Variants in LAMA5 observed in about 807,000 individuals in gnomAD.
The protein encoded by LAMA5 is laminin subunit alpha 5, also known as laminin subunit alpha-5.
A neutral mutation model predicts 433.4 loss-of-function variants in LAMA5; 260 were observed. The ratio of observed to expected loss-of-function variants is 0.60; its 90% CI spans 0.54 to 0.66. The LOEUF (loss-of-function observed/expected upper bound fraction) is 0.66. Among genes scored for constraint, LAMA5 ranks in the 30% least tolerant of loss-of-function variants. The pLI, the probability that LAMA5 is intolerant of heterozygous loss-of-function variation, is 0.00. For synonymous variants in LAMA5, 2,620 were observed against 2,226.6 expected (o/e 1.18, Z -4.97); for missense variants, 5,378 against 5,258.5 (o/e 1.02, Z -0.70).
At chr20:62,360,108 C>G (rs964742956) in intron 2 of LAMA5, among the ~76,000 whole-genome samples, 1 of 151,096 alleles carries the variant, frequency 6.6e-6, no homozygotes, top group Non-Finnish European at 1.5e-5. Flanking sequence ...TTCCCCACCC[C>G]ACTCCAGGGA....
intron 4 of LAMA5, 30 bp downstream of exon 4, chr20:62,352,212 C>G (rs761564123): frequency 7.0e-6 from 11 of 1,572,018 alleles, no homozygotes; most frequent in Non-Finnish European, 9.5e-6. Flanking sequence ...TTCTCCAGCC[C>G]CCGTACCGCC....
At position 62,326,924 on chromosome 20, in the gene LAMA5, C is replaced by CTA; in HGVS notation, c.5154_5155insTA (p.Glu1719Ter). ...ACAAAGACATCTCCCCGCTGGGTCT[C>CTA]TGAGTGCAGTTCATAACGGAGGGTC... On this transcript the variant is annotated frameshift_variant, in exon 39 of 80. Transcript: ENST00000252999. LOFTEE classifies it high-confidence loss of function. The CTA allele has an allele frequency of 6.2e-7, 1 of 1,612,376 alleles. No homozygotes were observed. The highest frequency in any genetic ancestry group is 8.5e-7 in the Non-Finnish European group (1 of 1,179,486).
rs781438799 is a variant in LAMA5 at position 62,312,524 on chromosome 20, C to A, written c.9236G>T (p.Arg3079Leu). 1 of 1,599,236 alleles carries A rather than the reference C, an allele frequency of 6.3e-7. No homozygotes were observed. Among genetic ancestry groups the A allele is most frequent in the East Asian group, 2.2e-5 (1 of 44,862 alleles). The change falls in exon 68 of 80, where the codon CGG becomes CTG. Residue 3079 changes from arginine to leucine, a missense_variant. Physicochemically the swap from Arg to Leu is moderately radical, Grantham distance 102. Transcript: ENST00000252999. The stretch of plus-strand genomic sequence containing the variant: ...GACTGAGCCTCCGGTGGGGAAGAGC[C>A]GTCGCAGGCTGTGGGGAAGCGGGGA... ...PPDQLPPSLR[R>L]LFPTGGSVRG... is the part of the protein sequence containing the mutation.
In LAMA5 at chr20:62,317,730, G is replaced by C. The variant is rs777580744; in HGVS notation, c.7288C>G (p.Leu2430Val). The C allele has an allele frequency of 6.2e-6, 10 of 1,607,878 alleles. No individual in the cohort carries two copies. The African/African-American group carries it at 1.1e-4, about 17-fold the overall frequency. The change falls in exon 54 of 80, where the codon CTG (leucine) becomes GTG (valine). Residue 2430 changes from leucine to valine, a missense_variant. Coordinates refer to ENST00000252999, the MANE Select transcript of LAMA5 (RefSeq NM_005560.6). ...GCCAGGGTGTCCCTAGCCGCATGCA[G>C]AGTGGCCTGCAGGGTGGCATTGTCC... is the stretch of plus-strand genomic sequence containing the variant. ...SRDNATLQAT[L>V]HAARDTLASV...
At position 62,332,540 on chromosome 20, in the gene LAMA5, C is replaced by T; in HGVS notation, c.3443+17G>A. The T allele has an allele frequency of 6.2e-7, 1 of 1,600,582 alleles. No individual in the cohort carries two copies. Among genetic ancestry groups the T allele is most frequent in the Non-Finnish European group, 8.5e-7 (1 of 1,171,710 alleles). On this transcript the variant is annotated intron_variant, in intron 27 of 79. Transcript: ENST00000252999. ...CCCGGGCGTGCCCTTACTCCAGCCCCACCGGCTCCCACTCACCTGTACAGG... is the reference window on the plus strand; with the variant it reads ...CCCGGGCGTGCCCTTACTCCAGCCCTACCGGCTCCCACTCACCTGTACAGG...
At chr20:62,322,870 C>T (rs572904031) in intron 45 of LAMA5, 112 bp from the exon 46 acceptor site, 9 of 674,046 alleles carry the variant, frequency 1.3e-5, no homozygotes, top group Admixed American at 3.6e-5. Flanking sequence ...TCCTCCAGGC[C>T]GCCCGGACCA....
intron 40 of LAMA5, chr20:62,326,458 A>C (rs951317547): frequency 1.9e-6 from 1 of 533,020 alleles, no homozygotes; most frequent in Non-Finnish European, 3.4e-6. Flanking sequence ...TCAGGGACTC[A>C]CAAAGCAGGT....
intron 3 of LAMA5, 177 bp downstream of exon 3, chr20:62,352,957 G>C (rs1352511986): frequency 3.6e-6 from 2 of 555,188 alleles, no homozygotes; most frequent in Non-Finnish European, 6.3e-6. Context: ...CGACGCCAGG[G>C]ACAGGAGCCA....
intron 71 of LAMA5, 25 bp downstream of exon 71, chr20:62,311,589 G>A: frequency 6.2e-7 from 1 of 1,608,054 alleles, no homozygotes; most frequent in Non-Finnish European, 8.5e-7. Context: ...CTGGGACCTT[G>A]TCCCCCAGCG....
At chr20:62,320,961 T>G in intron 48 of LAMA5, 71 bp from the exon 49 acceptor site, 3 of 1,512,554 alleles carry the variant, frequency 2.0e-6, no homozygotes, top group Non-Finnish European at 2.7e-6. Flanking sequence ...GCTGGGGCCC[T>G]GGGGTCATTA....
chr20:62,330,856 G>T lies in LAMA5; in HGVS notation c.3739C>A (p.Pro1247Thr). The T allele has an allele frequency of 2.6e-6, 4 of 1,541,478 alleles. No individual in the cohort carries two copies. Among genetic ancestry groups the T allele is most frequent in the Non-Finnish European group, 3.5e-6 (4 of 1,143,526 alleles). Residue 1247 changes from proline to threonine, a missense_variant, in exon 30 of 80, where the codon CCG becomes ACG. Transcript: ENST00000252999. Reference protein sequence around the residue: ...CQVIPLPPGLPLTHAQDLTPA... With the variant: ...CQVIPLPPGLTLTHAQDLTPA... ...GTGAGATCCTGCGCGTGGGTCAGCG[G>T]GAGGCCGGGCGGCAGCGGGATCACC...
At position 62,333,485 on chromosome 20, in the gene LAMA5, C is replaced by T; in HGVS notation, c.3022-4G>A. 6.2e-7 allele frequency: 1 copy of T among 1,610,304 alleles called. No homozygotes were observed. Among genetic ancestry groups the T allele is most frequent in the Non-Finnish European group, 8.5e-7 (1 of 1,178,958 alleles). On this transcript the variant is annotated splice_region_variant and splice_polypyrimidine_tract_variant and intron_variant, in intron 24 of 79. Transcript: ENST00000252999. ...TAGGCAGCAGAACCACGTAGTCCTG[C>T]AGGGTGGAGGTGGTGCTGAGAGTGG...
Position 62,320,882 on chromosome 20 carries a change from G to A in LAMA5, c.6505C>T (p.His2169Tyr). Residue 2169 changes from histidine (H) to tyrosine (Y), a missense_variant, in exon 49 of 80, where the codon CAC (histidine) becomes TAC (tyrosine). Transcript: ENST00000252999. ...TCATCCAGGAGCAGGACCACACAGTGGTCACACACTGCAGGCGATGTGGGG... is the reference window on the plus strand; with the variant it reads ...TCATCCAGGAGCAGGACCACACAGTAGTCACACACTGCAGGCGATGTGGGG... The part of the protein sequence containing the change: ...GHSIHCEVCD[H>Y]CVVLLLDDLE... The A allele has an allele frequency of 6.2e-7, 1 of 1,607,592 alleles. No individual in the cohort carries two copies. Among genetic ancestry groups the A allele is most frequent in the Non-Finnish European group, 8.5e-7 (1 of 1,177,064 alleles).
Position 62,310,161 on chromosome 20 carries a change from A to G in LAMA5, c.10734+17T>C, listed in dbSNP as rs757698755. ...GAGGCAAACCCTGCCCTGGCACGCCACCTCTGCCAGGCTTACTTGCTTCTC... is the reference window on the plus strand; with the variant it reads ...GAGGCAAACCCTGCCCTGGCACGCCGCCTCTGCCAGGCTTACTTGCTTCTC... On this transcript the variant is annotated intron_variant, in intron 77 of 79. Transcript: ENST00000252999. 173 of 1,611,882 alleles carry G rather than the reference A, an allele frequency of 1.1e-4. No homozygotes were observed. The highest frequency in any genetic ancestry group is 1.1e-4 in the Non-Finnish European group (131 of 1,179,906).
rs373985079 is a variant in LAMA5, at chr20:62,330,472, C to A, written c.3979+16G>T. On this transcript the variant is annotated intron_variant, in intron 31 of 79. Coordinates refer to ENST00000252999, the MANE Select transcript of LAMA5 (RefSeq NM_005560.6). ...CGTGTGTGGTAGCCTCTCCACCCCCCACACCAGACACTCACCCTGCCACAC... is the reference window on the plus strand; with the variant it reads ...CGTGTGTGGTAGCCTCTCCACCCCCAACACCAGACACTCACCCTGCCACAC... The A allele has an allele frequency of 3.5e-4, 529 of 1,531,352 alleles. No homozygotes were observed. The highest frequency in any genetic ancestry group is 4.0e-4 in the Non-Finnish European group (460 of 1,136,404). 94.9% of individuals were successfully genotyped at this position (1,531,352 alleles called of 1,614,324 possible).
chr20:62,357,515 G>A (rs758060633), intron 2 of LAMA5, among the ~76,000 whole-genome samples: 8 of 152,192 alleles, frequency 5.3e-5, no homozygotes, highest in Non-Finnish European at 8.8e-5. Context: ...GGCGGCAGCC[G>A]GGAGCATCTC....
At chr20:62,358,591 G>A (rs1412256309) in intron 2 of LAMA5, among the ~76,000 whole-genome samples, 1 of 152,192 alleles carries the variant, frequency 6.6e-6, no homozygotes, top group Non-Finnish European at 1.5e-5. Context: ...GAAGGGTGAG[G>A]CAGCCTGGGC....
intron 6 of LAMA5, among the ~76,000 whole-genome samples, chr20:62,348,170 G>A (rs773661913): frequency 5.3e-5 from 8 of 152,164 alleles, no homozygotes; most frequent in Non-Finnish European, 1.0e-4. Flanking sequence ...CCCAGGGCAC[G>A]CCAGAAGCAC....
At chr20:62,338,399 T>C in intron 12 of LAMA5, 30 bp from the exon 13 acceptor site, 1 of 1,607,116 alleles carries the variant, frequency 6.2e-7, no homozygotes, top group Non-Finnish European at 8.5e-7. Flanking sequence ...ACATGCTTGG[T>C]CAGAGGCACC....
Sources: gnomAD v4.1 joint callset for allele counts (sites outside exome capture counted in the v4.1 genomes callset) on GRCh38, gnomAD v4.1.1 for gene constraint, MANE v1.5 for transcripts, NCBI Gene and HGNC (gene_info 2026-07-23, HGNC 2026-07-21) for gene names.